PLEKHG1: variants seen among roughly 807,000 people sequenced by gnomAD.
The protein encoded by PLEKHG1 is pleckstrin homology and RhoGEF domain containing G1, also known as pleckstrin homology domain-containing family G member 1.
Under a neutral mutation model 100.8 loss-of-function variants are expected in PLEKHG1, and 44 were observed. The ratio of observed to expected loss-of-function variants is 0.44; its 90% CI spans 0.34 to 0.56. PLEKHG1 has a LOEUF of 0.56. PLEKHG1 is among the 20% of genes least tolerant of loss of function. PLEKHG1 has a pLI of 0.01. For synonymous variants in PLEKHG1, 640 were observed against 662.5 expected, an observed-to-expected ratio of 0.97 and a Z score of 0.52; for missense variants, 1,545 against 1,720.9, an observed-to-expected ratio of 0.90 and a Z score of 1.81.
intron 10 of PLEKHG1, 116 bp downstream of exon 11, chr6:150,809,850 C>G: frequency 1.8e-6 from 1 of 566,370 alleles, no homozygotes; most frequent in South Asian, 2.6e-5. Context: ...GACTGGGCGA[C>G]AGAGTGAGAC....
intron 1 of PLEKHG1, among the ~76,000 whole-genome samples, chr6:150,617,673 G>C (rs1327208934): frequency 6.6e-6 from 1 of 152,210 alleles, no homozygotes; most frequent in African/African-American, 2.4e-5. Context: ...TGATCCTGAT[G>C]GTGAGCGGTG....
At chr6:150,830,797 C>T (rs750272876) in exon 15 of PLEKHG1, 8 of 1,614,048 alleles carry the variant, frequency 5.0e-6, no homozygotes, top group Non-Finnish European at 6.8e-6. Context: ...ATCAGATGTT[C>T]GTGCCGTCAT....
intron 3 of PLEKHG1, among the ~76,000 whole-genome samples, chr6:150,700,775 C>T (rs75219731): frequency 0.033 from 5,052 of 152,132 alleles, 266 homozygotes; most frequent in African/African-American, 0.12. Flanking sequence ...AAAGTGGAGA[C>T]GGTAGCACCT....
intron 3 of PLEKHG1, among the ~76,000 whole-genome samples, chr6:150,670,120 T>A (rs1779535682): frequency 6.6e-6 from 1 of 152,226 alleles, no homozygotes; most frequent in Non-Finnish European, 1.5e-5. Flanking sequence ...ATAAGCCCCA[T>A]GGATTTTGAT....
intron 2 of PLEKHG1, among the ~76,000 whole-genome samples, chr6:150,752,061 C>G (rs1335281528): frequency 6.6e-6 from 1 of 152,018 alleles, no homozygotes; most frequent in African/African-American, 2.4e-5. Flanking sequence ...TGGAAGGCAC[C>G]AGTAATCCCA....
At chr6:150,701,007 A>G (rs1012635105) in intron 3 of PLEKHG1, among the ~76,000 whole-genome samples, 2 of 151,648 alleles carry the variant, frequency 1.3e-5, no homozygotes, top group Non-Finnish European at 2.9e-5. Context: ...TAAAGAAATA[A>G]GAAATCACTG....
chr6:150,768,683 A>C (rs1784562552), exon 3 of PLEKHG1: 1 of 1,613,078 alleles, frequency 6.2e-7, no homozygotes, highest in Non-Finnish European at 8.5e-7. Flanking sequence ...TCCCCTGGGG[A>C]CCGAAGAAAG....
chr6:150,772,202 C>T (rs1312179207), intron 3 of PLEKHG1, among the ~76,000 whole-genome samples: 1 of 152,164 alleles, frequency 6.6e-6, no homozygotes, highest in Non-Finnish European at 1.5e-5. Flanking sequence ...CACAACATCA[C>T]TGAACATGGA....
At chr6:150,836,046 G>C (rs1442494747) in intron 15 of PLEKHG1, among the ~76,000 whole-genome samples, 1 of 152,098 alleles carries the variant, frequency 6.6e-6, no homozygotes, top group Non-Finnish European at 1.5e-5. Flanking sequence ...CAGTGGTATG[G>C]TCTCAGGAAA....
chr6:150,637,782 T>C (rs1473324758), intron 1 of PLEKHG1, among the ~76,000 whole-genome samples: 1 of 152,202 alleles, frequency 6.6e-6, no homozygotes, highest in East Asian at 1.9e-4. Context: ...CCTTTTATTT[T>C]TGAGCTTTAC....
At chr6:150,672,108 A>C (rs1192207643) in intron 3 of PLEKHG1, among the ~76,000 whole-genome samples, 1 of 152,114 alleles carries the variant, frequency 6.6e-6, no homozygotes, top group Non-Finnish European at 1.5e-5. Flanking sequence ...GGTCCCTGAT[A>C]ATAGAGAAGT....
intron 2 of PLEKHG1, among the ~76,000 whole-genome samples, chr6:150,758,181 T>C (rs1297095962): frequency 1.3e-5 from 2 of 152,180 alleles, no homozygotes; most frequent in African/African-American, 4.8e-5. Flanking sequence ...TTTATATTCC[T>C]TTGGGTATAT....
At chr6:150,841,446 ATTC>A (rs1271001254) in exon 16 of PLEKHG1, 9 of 161,138 alleles carry the variant, frequency 5.6e-5, no homozygotes, top group African/African-American at 2.2e-4. Flanking sequence ...TTGTGCTAGT[ATTC>A]TTTTATGTCA....
intron 2 of PLEKHG1, among the ~76,000 whole-genome samples, chr6:150,746,467 C>T (rs1253267381): frequency 6.6e-6 from 1 of 152,138 alleles, no homozygotes; most frequent in African/African-American, 2.4e-5. Context: ...ACATGGTCTT[C>T]CGTTAGTGTT....
intron 3 of PLEKHG1, among the ~76,000 whole-genome samples, chr6:150,709,262 G>GA (rs1419310361): frequency 6.6e-6 from 1 of 152,170 alleles, no homozygotes; most frequent in Non-Finnish European, 1.5e-5. Context: ...TTGAACCCAG[G>GA]AGGTGGAGGT....
intron 13 of PLEKHG1, among the ~76,000 whole-genome samples, chr6:150,822,273 AAT>A (rs1394695413): frequency 1.3e-5 from 2 of 152,198 alleles, no homozygotes; most frequent in Non-Finnish European, 2.9e-5. Flanking sequence ...ATTTAAATGA[AAT>A]AAATAGAAGG....
intron 3 of PLEKHG1, among the ~76,000 whole-genome samples, chr6:150,689,434 A>G (rs1309537703): frequency 6.6e-6 from 1 of 152,216 alleles, no homozygotes; most frequent in East Asian, 1.9e-4. Context: ...GGCAGGAACC[A>G]TATGTTAATC....
At chr6:150,709,766 C>T (rs1006498553) in intron 3 of PLEKHG1, among the ~76,000 whole-genome samples, 14 of 152,186 alleles carry the variant, frequency 9.2e-5, no homozygotes, top group Middle Eastern at 3.4e-3. Flanking sequence ...ATTAATTTGG[C>T]TTTGGGGATG....
chr6:150,757,192 G>A (rs1766898828), intron 2 of PLEKHG1, among the ~76,000 whole-genome samples: 1 of 152,096 alleles, frequency 6.6e-6, no homozygotes, highest in South Asian at 2.1e-4. Context: ...AGTAGAGACG[G>A]GGTTTTACCA....
Sources: allele counts gnomAD v4.1 joint callset (sites outside exome capture counted in the v4.1 genomes callset), GRCh38; gene constraint gnomAD v4.1.1; transcripts MANE v1.5; gene names NCBI Gene and HGNC (gene_info 2026-07-23, HGNC 2026-07-21).